MATCAP2: variants seen among roughly 807,000 people sequenced by gnomAD.
MATCAP2 encodes the protein putative tyrosine carboxypeptidase MATCAP2.
At chr7:36,328,239 T>TGGG in the MATCAP2 span, among the ~76,000 whole-genome samples, 1,250 of 23,970 alleles carry the variant, frequency 0.052, 158 homozygotes, top group South Asian at 0.064. Context: ...TTTGTTTTTG[T>TGGG]AGGGGGGGGG....
At chr7:36,389,872 C>T in the MATCAP2 span, 10 of 1,373,038 alleles carry the variant, frequency 7.3e-6, no homozygotes, top group East Asian at 2.4e-5. Flanking sequence ...GAGTCCGTCA[C>T]TGGAAGCCGA....
chr7:36,362,744 A>G, the MATCAP2 span, among the ~76,000 whole-genome samples: 1 of 152,156 alleles, frequency 6.6e-6, no homozygotes, highest in African/African-American at 2.4e-5. Context: ...ACTTCTTCAC[A>G]TGCTGCTCCC....
the MATCAP2 span, among the ~76,000 whole-genome samples, chr7:36,330,693 C>T: frequency 1.3e-5 from 2 of 152,248 alleles, no homozygotes; most frequent in South Asian, 2.1e-4. Context: ...GTTTTAGGTG[C>T]AGCTTACTTC....
At chr7:36,331,576 AAAAC>A in the MATCAP2 span, among the ~76,000 whole-genome samples, 1 of 152,224 alleles carries the variant, frequency 6.6e-6, no homozygotes, top group Admixed American at 6.5e-5. Context: ...CCATTAAACA[AAAAC>A]AAACTGTGGT....
the MATCAP2 span, among the ~76,000 whole-genome samples, chr7:36,358,152 C>G: frequency 6.6e-6 from 1 of 151,450 alleles, no homozygotes; most frequent in Non-Finnish European, 1.5e-5. Context: ...GAGCTGAGAT[C>G]GCACCACTGC....
At chr7:36,350,591 A>G in the MATCAP2 span, among the ~76,000 whole-genome samples, 415 of 147,864 alleles carry the variant, frequency 2.8e-3, 2 homozygotes, top group South Asian at 4.5e-3. Context: ...CTGTAGTGCA[A>G]TGGCATGATC....
the MATCAP2 span, among the ~76,000 whole-genome samples, chr7:36,372,473 G>C: frequency 6.6e-6 from 1 of 152,198 alleles, no homozygotes; most frequent in Non-Finnish European, 1.5e-5. Flanking sequence ...AGAATGAAAA[G>C]CGTTAAGTAG....
At chr7:36,379,927 C>T in the MATCAP2 span, among the ~76,000 whole-genome samples, 2 of 150,562 alleles carry the variant, frequency 1.3e-5, no homozygotes, top group African/African-American at 2.4e-5. Flanking sequence ...CTGAATGATG[C>T]CTGGAATCCA....
the MATCAP2 span, chr7:36,334,306 GCATGCGGAT>G: frequency 1.6e-6 from 1 of 630,610 alleles, no homozygotes; most frequent in South Asian, 2.0e-5. Flanking sequence ...GAAGGCCGAG[GCATGCGGAT>G]CACTTGAGTT....
the MATCAP2 span, among the ~76,000 whole-genome samples, chr7:36,382,963 G>A: frequency 6.6e-6 from 1 of 152,170 alleles, no homozygotes; most frequent in African/African-American, 2.4e-5. Context: ...ATAAAAAGGA[G>A]ATTAAAGTTG....
the MATCAP2 span, among the ~76,000 whole-genome samples, chr7:36,368,511 T>G: frequency 1.3e-5 from 2 of 152,190 alleles, no homozygotes; most frequent in Admixed American, 1.3e-4. Context: ...ATCTAGCCAC[T>G]TGCTACCACT....
At chr7:36,389,393 C>A in the MATCAP2 span, among the ~76,000 whole-genome samples, 113 of 151,312 alleles carry the variant, frequency 7.5e-4, no homozygotes, top group Non-Finnish European at 1.2e-3. Context: ...GGCAGGGTCT[C>A]ACTCTGCCGC....
the MATCAP2 span, among the ~76,000 whole-genome samples, chr7:36,350,350 C>T: frequency 1.3e-4 from 20 of 152,136 alleles, no homozygotes; most frequent in East Asian, 3.9e-4. Flanking sequence ...ACACTATAAA[C>T]GCTAAAATCA....
At chr7:36,378,746 G>A in the MATCAP2 span, among the ~76,000 whole-genome samples, 14 of 152,172 alleles carry the variant, frequency 9.2e-5, no homozygotes, top group Admixed American at 3.3e-4. Context: ...GAGCTGTGGT[G>A]GGCTCCACCC....
chr7:36,350,260 T>G, the MATCAP2 span, among the ~76,000 whole-genome samples: 1 of 152,240 alleles, frequency 6.6e-6, no homozygotes. Context: ...ACATTTGACC[T>G]GTTTTAAAGC....
chr7:36,363,237 GC>G, the MATCAP2 span, among the ~76,000 whole-genome samples: 1 of 152,258 alleles, frequency 6.6e-6, no homozygotes, highest in East Asian at 1.9e-4. Context: ...CCTAACGATG[GC>G]CTTAAGACTT....
At chr7:36,325,717 ACAG>A in the MATCAP2 span, 1 of 152,244 alleles carries the variant, frequency 6.6e-6, no homozygotes, top group African/African-American at 2.4e-5. Flanking sequence ...CAGGAGAAAT[ACAG>A]CAAAACAGAA....
the MATCAP2 span, chr7:36,383,753 G>A: frequency 6.0e-6 from 4 of 671,418 alleles, no homozygotes; most frequent in Admixed American, 8.9e-5. Flanking sequence ...CATGGCACGT[G>A]TATGCCTATG....
At chr7:36,389,810 C>T in the MATCAP2 span, 4 of 865,992 alleles carry the variant, frequency 4.6e-6, no homozygotes, top group Non-Finnish European at 5.2e-6. Context: ...CCGCCCAGCG[C>T]GCATGCTCGC....
Sources: gnomAD v4.1 joint callset for allele counts (sites outside exome capture counted in the v4.1 genomes callset) on GRCh38, gnomAD v4.1.1 for gene constraint, MANE v1.5 for transcripts, NCBI Gene and HGNC (gene_info 2026-07-23, HGNC 2026-07-21) for gene names.